Variants in WDR36 observed in about 807,000 individuals in gnomAD.
WDR36 encodes the protein WD repeat-containing protein 36.
In WDR36, 63 loss-of-function variants were observed where a neutral mutation model predicts 112.7. The observed-to-expected ratio is 0.56, with a 90% CI of 0.46 to 0.69. WDR36 has a LOEUF of 0.69. Ranked by LOEUF, WDR36 falls within the 30% of genes least tolerant of loss-of-function variation. WDR36 has a pLI of 0.00. For missense variants in WDR36, 1,226 were observed against 1,070.3 expected (o/e 1.15, Z -2.03); for synonymous variants, 410 against 362.2 (o/e 1.13, Z -1.50).
At chr5:111,101,886 G>C (rs1309344137) in intron 5 of WDR36, among the ~76,000 whole-genome samples, 3 of 151,656 alleles carry the variant, frequency 2.0e-5, no homozygotes, top group African/African-American at 7.3e-5. Context: ...AGATACCTCT[G>C]TTTGCTCCAT....
Position 111,102,377 on chromosome 5 carries a change from T to C in WDR36, c.575T>C (p.Val192Ala). Residue 192 changes from valine (V) to alanine (A), a missense_variant, in exon 6 of 23, where the codon GTT becomes GCT. Coordinates refer to ENST00000513710, the MANE Select transcript of WDR36 (RefSeq NM_139281.3). ...KLLYTFPGWK[V>A]GVTALQQAPA... ...CTATATACATTTCCAGGATGGAAAG[T>C]TGGAGTGACAGCTCTTCAGCAGGTT... 6.2e-7 allele frequency: 1 copy of C among 1,610,604 alleles called. No individual in the cohort carries two copies. Among genetic ancestry groups the C allele is most frequent in the Non-Finnish European group, 8.5e-7 (1 of 1,177,754 alleles).
At chr5:111,099,340 A>T (rs1753063733) in intron 4 of WDR36, among the ~76,000 whole-genome samples, 1 of 150,988 alleles carries the variant, frequency 6.6e-6, no homozygotes, top group African/African-American at 2.4e-5. Flanking sequence ...ATTTATCCCT[A>T]GGATATCTAC....
rs1205281621 is a variant in WDR36, at chr5:111,092,382, C to T, written c.-75C>T. 6.2e-6 allele frequency: 10 copies of T among 1,614,112 alleles called. No individual in the cohort carries two copies. The highest frequency in any genetic ancestry group is 8.5e-6 in the Non-Finnish European group (10 of 1,180,048). On this transcript the variant is annotated 5_prime_UTR_variant, in exon 1 of 23. Transcript: ENST00000513710. ...GCAGCTCTGGCAGAGGACTGTTCCA[C>T]TAGACACGCTGAAGGGACTGGGTAC...
rs1247711629 is a variant in WDR36 at position 111,110,902 on chromosome 5, A to G, written c.1556A>G (p.His519Arg). The G allele has an allele frequency of 1.9e-6, 3 of 1,611,642 alleles. No homozygotes were observed. The South Asian group carries it at 3.3e-5, about 18-fold the overall frequency. ...AACTTTAAAAACAAAATTTTAATCC[A>G]TTCTGTGAGCCTCAGTTCATCTCCA... ...FWNFKNKILI[H>R]SVSLSSSPNI... Residue 519 changes from histidine to arginine, a missense_variant, in exon 14 of 23, where the codon CAT (histidine) becomes CGT (arginine). By Grantham distance (29) the His-to-Arg change is conservative. Transcript: ENST00000513710.
chr5:111,123,018 A>C (rs1417208092), intron 19 of WDR36, among the ~76,000 whole-genome samples: 1 of 152,080 alleles, frequency 6.6e-6, no homozygotes, highest in Middle Eastern at 3.2e-3. Flanking sequence ...CTGAGGCAGG[A>C]GAATTGCTTG....
At chr5:111,096,458 C>T (rs761776158) in intron 2 of WDR36, among the ~76,000 whole-genome samples, 2 of 152,170 alleles carry the variant, frequency 1.3e-5, no homozygotes, top group African/African-American at 2.4e-5. Context: ...AATCCCAGCA[C>T]TTTGGAAGGC....
rs2112571710 is a variant in WDR36 at position 111,103,991 on chromosome 5, T to G, written c.730+73T>G. The G allele has an allele frequency of 3.2e-6, 5 of 1,571,960 alleles. No homozygotes were observed. In the East Asian group the frequency reaches 1.1e-4, roughly 36 times the overall value. On this transcript the variant is annotated intron_variant, in intron 7 of 22. Transcript: ENST00000513710. Reference sequence around the variant, plus strand: ...CATTACTTTAAAAGTCAATTTTTTTTGTCTTCTGGTAGCTTAATCTAATAG... The same window carrying G: ...CATTACTTTAAAAGTCAATTTTTTTGGTCTTCTGGTAGCTTAATCTAATAG...
At chr5:111,123,336 A>T (rs1239650696) in intron 19 of WDR36, among the ~76,000 whole-genome samples, 1 of 152,212 alleles carries the variant, frequency 6.6e-6, no homozygotes. Context: ...GAAATTATCA[A>T]ATTACTTATA....
intron 19 of WDR36, among the ~76,000 whole-genome samples, chr5:111,121,570 C>T (rs1473386817): frequency 6.6e-6 from 1 of 152,130 alleles, no homozygotes; most frequent in East Asian, 1.9e-4. Flanking sequence ...TCACACCACA[C>T]CCTGTCAACT....
intron 10 of WDR36, among the ~76,000 whole-genome samples, chr5:111,105,601 C>G (rs1271057084): frequency 6.6e-6 from 1 of 151,400 alleles, no homozygotes; most frequent in Non-Finnish European, 1.5e-5. Flanking sequence ...CTGCTGCCAC[C>G]CAAAAGATGT....
chr5:111,110,824 G>T lies in WDR36; in HGVS notation c.1478G>T (p.Gly493Val), dbSNP rs757980584. The change falls in exon 14 of 23, where the codon GGA (glycine) becomes GTA (valine). Residue 493 changes from glycine (G) to valine (V), a missense_variant. Coordinates refer to ENST00000513710, the MANE Select transcript of WDR36 (RefSeq NM_139281.3). ...TCTGTTAGAGGTGTCGCAGTGGATG[G>T]ATTAAACCAGTTGACAGTTACAACT... ...KGSVRGVAVDGLNQLTVTTGS... is the reference protein window; with the variant it reads ...KGSVRGVAVDVLNQLTVTTGS... 3.1e-6 allele frequency: 5 copies of T among 1,611,288 alleles called. No individual in the cohort carries two copies. Among genetic ancestry groups the T allele is most frequent in the Middle Eastern group, 1.7e-4 (1 of 6,034 alleles).
At chr5:111,119,659 T>A (rs12514810) in intron 17 of WDR36, among the ~76,000 whole-genome samples, 44,654 of 151,884 alleles carry the variant, frequency 0.29, 6,857 homozygotes, top group Middle Eastern at 0.43. Context: ...TTAGAAAAAA[T>A]TTTGTTTCTT....
chr5:111,122,961 T>C (rs1474886633), intron 19 of WDR36, among the ~76,000 whole-genome samples: 3 of 152,018 alleles, frequency 2.0e-5, no homozygotes, highest in African/African-American at 7.2e-5. Flanking sequence ...AATACAAAAA[T>C]GAGCCAGGCA....
chr5:111,110,324 T>G, intron 13 of WDR36, 21 bp downstream of exon 13: 1 of 1,569,584 alleles, frequency 6.4e-7, no homozygotes, highest in South Asian at 1.1e-5. Context: ...TTTTTCCTTG[T>G]TTTTTATTAA....
rs958777262 is a variant in WDR36 at position 111,123,910 on chromosome 5, A to G, written c.2254A>G (p.Asn752Asp). 6.2e-7 allele frequency: 1 copy of G among 1,613,766 alleles called. No individual in the cohort carries two copies. Among genetic ancestry groups the G allele is most frequent in the Non-Finnish European group, 8.5e-7 (1 of 1,179,898 alleles). The change falls in exon 20 of 23, where the codon AAT becomes GAT. Residue 752 changes from asparagine to aspartate, a missense_variant. Transcript: ENST00000513710. ...CAGATATGCTGCACCTGAACAAAAT[A>G]ATGATCCCCAGCAGGTAAAAAACAA... ...VPRYAAPEQNNDPQQSKVVNL... is the reference protein window; with the variant it reads ...VPRYAAPEQNDDPQQSKVVNL...
intron 14 of WDR36, 100 bp downstream of exon 14, chr5:111,111,053 A>C: frequency 3.2e-6 from 5 of 1,558,288 alleles, no homozygotes; most frequent in Non-Finnish European, 4.4e-6. Context: ...TTTAATAAAG[A>C]ACAACATTTG....
chr5:111,104,406 T>C (rs879891117), intron 8 of WDR36, 54 bp downstream of exon 8: 302 of 1,602,474 alleles, frequency 1.9e-4, no homozygotes, highest in Non-Finnish European at 2.5e-4. Context: ...CCCTTTGGGT[T>C]ATTACAAGCT....
rs79083229 is a variant in WDR36, at chr5:111,114,411, A to G, written c.1796+1258A>G. Among the ~76,000 whole-genome samples the G allele has an allele frequency of 4.8e-3, 730 of 152,324 alleles. 7 individuals carry two copies. The highest frequency in any genetic ancestry group is 0.017 in the African/African-American group (696 of 41,586). ...ACTCAGGAATTGGATAAGCTCATAC[A>G]TGAAAACAGTTTGACCTTTAGGAAG... On this transcript the variant is annotated intron_variant, in intron 16 of 22. Coordinates refer to ENST00000513710, the MANE Select transcript of WDR36 (RefSeq NM_139281.3).
rs543344324 is a variant in WDR36 at position 111,125,640 on chromosome 5, G to C, written c.2383G>C (p.Gly795Arg). 1.4e-5 allele frequency: 23 copies of C among 1,613,598 alleles called. No homozygotes were observed. The highest frequency in any genetic ancestry group is 1.9e-5 in the Non-Finnish European group (23 of 1,179,808). Residue 795 changes from glycine to arginine, a missense_variant, in exon 22 of 23, where the codon GGC (glycine) becomes CGC (arginine). Coordinates refer to ENST00000513710, the MANE Select transcript of WDR36 (RefSeq NM_139281.3). ...TGCTCTCAACCTTCTGAAAGAATCA[G>C]GCCCATCAGGAATTGAAACAGAGCT... ...DTALNLLKES[G>R]PSGIETELRS...
Sources: gnomAD v4.1 joint callset for allele counts (sites outside exome capture counted in the v4.1 genomes callset) on GRCh38, gnomAD v4.1.1 for gene constraint, MANE v1.5 for transcripts, NCBI Gene and HGNC (gene_info 2026-07-23, HGNC 2026-07-21) for gene names.